CSMD1: variants seen among roughly 807,000 people sequenced by gnomAD.
CSMD1 encodes the protein CUB and Sushi multiple domains 1, also known as CUB and sushi domain-containing protein 1.
CSMD1 carries 213 observed loss-of-function variants against 417.5 expected under a neutral mutation model. The observed-to-expected ratio is 0.51, with a 90% CI of 0.46 to 0.57. CSMD1 has a LOEUF of 0.57. Ranked by LOEUF, CSMD1 falls within the 20% of genes least tolerant of loss-of-function variation. The pLI is 0.00. For missense variants in CSMD1, 6,923 were observed against 4,529.7 expected (o/e 1.53, Z -15.17); for synonymous variants, 2,862 against 1,736.8 (o/e 1.65, Z -16.11).
At chr8:3,362,085 T>C (rs1330412219) in intron 20 of CSMD1, among the ~76,000 whole-genome samples, 2 of 152,182 alleles carry the variant, frequency 1.3e-5, no homozygotes, top group Non-Finnish European at 2.9e-5. Flanking sequence ...CCTTCATCAA[T>C]TCTCTTATTT....
chr8:3,517,458 G>A (rs1040339236), intron 10 of CSMD1, among the ~76,000 whole-genome samples: 1 of 152,132 alleles, frequency 6.6e-6, no homozygotes, highest in Admixed American at 6.5e-5. Context: ...TTTCCAAATT[G>A]CCAGTGAAAT....
At chr8:3,436,117 C>A (rs190234120) in intron 12 of CSMD1, among the ~76,000 whole-genome samples, 4 of 152,116 alleles carry the variant, frequency 2.6e-5, no homozygotes, top group African/African-American at 9.7e-5. Flanking sequence ...ACTCTCCAGC[C>A]CTCTGACCAT....
intron 10 of CSMD1, among the ~76,000 whole-genome samples, chr8:3,516,211 G>A (rs141798043): frequency 3.3e-5 from 5 of 152,284 alleles, no homozygotes; most frequent in Non-Finnish European, 7.4e-5. Flanking sequence ...TAACTGTCCT[G>A]GAAAGGGACA....
At chr8:3,041,982 A>C (rs1364498389) in intron 50 of CSMD1, among the ~76,000 whole-genome samples, 3 of 152,166 alleles carry the variant, frequency 2.0e-5, no homozygotes, top group Non-Finnish European at 4.4e-5. Flanking sequence ...CATCTCTGGG[A>C]AACATCAGCT....
At chr8:4,584,246 G>A (rs1026382233) in intron 2 of CSMD1, among the ~76,000 whole-genome samples, 1 of 151,972 alleles carries the variant, frequency 6.6e-6, no homozygotes, top group Non-Finnish European at 1.5e-5. Flanking sequence ...GACACATTTT[G>A]GCGACCACGA....
chr8:3,747,537 C>G (rs573468088), intron 6 of CSMD1, among the ~76,000 whole-genome samples: 1 of 151,616 alleles, frequency 6.6e-6, no homozygotes, highest in African/African-American at 2.4e-5. Flanking sequence ...TGAGAGTCAT[C>G]CATGTCGTTA....
intron 2 of CSMD1, among the ~76,000 whole-genome samples, chr8:4,522,411 T>C (rs979916201): frequency 9.9e-5 from 15 of 152,178 alleles, no homozygotes; most frequent in Admixed American, 8.5e-4. Context: ...AATATAGTTA[T>C]GTATCAGAAA....
chr8:4,476,517 G>C (rs556895454), intron 2 of CSMD1, among the ~76,000 whole-genome samples: 1 of 152,018 alleles, frequency 6.6e-6, no homozygotes, highest in African/African-American at 2.4e-5. Context: ...ACTACTTTTC[G>C]GAGTTCTAAA....
chr8:4,642,193 C>A (rs1175812952), intron 1 of CSMD1, among the ~76,000 whole-genome samples: 2 of 152,146 alleles, frequency 1.3e-5, no homozygotes, highest in African/African-American at 4.8e-5. Context: ...CCCCGGTGAG[C>A]CATGGAGTTG....
At chr8:4,726,241 T>A (rs1405585296) in intron 1 of CSMD1, among the ~76,000 whole-genome samples, 1 of 152,090 alleles carries the variant, frequency 6.6e-6, no homozygotes, top group Non-Finnish European at 1.5e-5. Context: ...GAAAAACTCT[T>A]GTGTGTTTCT....
intron 1 of CSMD1, among the ~76,000 whole-genome samples, chr8:4,748,651 T>C (rs1224549833): frequency 6.6e-6 from 1 of 152,252 alleles, no homozygotes; most frequent in South Asian, 2.1e-4. Context: ...GTCTCCAGAA[T>C]TTAAATTTTT....
At chr8:4,063,817 T>C (rs147659619) in intron 3 of CSMD1, among the ~76,000 whole-genome samples, 1 of 152,214 alleles carries the variant, frequency 6.6e-6, no homozygotes, top group African/African-American at 2.4e-5. Context: ...TGAGAGCACT[T>C]TGAATGTGGT....
chr8:3,580,565 C>T (rs1307580086), intron 9 of CSMD1, among the ~76,000 whole-genome samples: 2 of 152,038 alleles, frequency 1.3e-5, no homozygotes, highest in Admixed American at 6.6e-5. Flanking sequence ...TATATTATTG[C>T]CAATAACTTA....
At chr8:4,183,469 T>A (rs1323627463) in intron 3 of CSMD1, among the ~76,000 whole-genome samples, 1 of 152,222 alleles carries the variant, frequency 6.6e-6, no homozygotes, top group African/African-American at 2.4e-5. Flanking sequence ...GACATGTTCT[T>A]CAATTGGAGG....
At chr8:3,346,992 A>G (rs1409696211) in intron 22 of CSMD1, among the ~76,000 whole-genome samples, 1 of 152,214 alleles carries the variant, frequency 6.6e-6, no homozygotes, top group African/African-American at 2.4e-5. Flanking sequence ...AGGGGAGTCC[A>G]ATATTTTGGC....
At chr8:3,954,637 C>T (rs181156348) in intron 5 of CSMD1, among the ~76,000 whole-genome samples, 1 of 152,254 alleles carries the variant, frequency 6.6e-6, no homozygotes, top group African/African-American at 2.4e-5. Context: ...TTTGGGATTA[C>T]AGGCGTGAGC....
At chr8:4,170,170 T>G (rs890656716) in intron 3 of CSMD1, among the ~76,000 whole-genome samples, 1 of 151,782 alleles carries the variant, frequency 6.6e-6, no homozygotes, top group African/African-American at 2.4e-5. Context: ...TTGATAAGAG[T>G]GAAGGACCTT....
intron 10 of CSMD1, among the ~76,000 whole-genome samples, chr8:3,528,836 C>A (rs1302860176): frequency 1.3e-5 from 2 of 152,112 alleles, no homozygotes; most frequent in African/African-American, 4.8e-5. Flanking sequence ...TCCATTTAAA[C>A]ATAAGAATGC....
chr8:3,823,760 CTA>C (rs1200089414), intron 5 of CSMD1, among the ~76,000 whole-genome samples: 1 of 152,040 alleles, frequency 6.6e-6, no homozygotes, highest in Non-Finnish European at 1.5e-5. Flanking sequence ...ATGTTTTTCT[CTA>C]AAATACTTTT....
Sources: gnomAD v4.1 joint callset for allele counts (sites outside exome capture counted in the v4.1 genomes callset) on GRCh38, gnomAD v4.1.1 for gene constraint, MANE v1.5 for transcripts, NCBI Gene and HGNC (gene_info 2026-07-23, HGNC 2026-07-21) for gene names.